Variants in MACROD2 observed in about 807,000 individuals in gnomAD.
MACROD2 encodes the protein ADP-ribose glycohydrolase MACROD2.
In MACROD2, 36 loss-of-function variants were observed where a neutral mutation model predicts 70.4. The ratio of observed to expected loss-of-function variants is 0.51; its 90% CI spans 0.39 to 0.68. The LOEUF (loss-of-function observed/expected upper bound fraction) is 0.68. MACROD2 is among the 30% of genes least tolerant of loss of function. MACROD2 has a pLI of 0.00. For synonymous variants in MACROD2, 172 were observed against 178.8 expected (o/e 0.96, Z 0.30); for missense variants, 496 against 538.4 (o/e 0.92, Z 0.78).
chr20:14,163,235 G>T (rs547577015), intron 3 of MACROD2, among the ~76,000 whole-genome samples: 1 of 152,212 alleles, frequency 6.6e-6, no homozygotes, highest in South Asian at 2.1e-4. Context: ...ATACATGGCT[G>T]TCAGTTTTTT....
At chr20:15,865,935 C>T (rs894919930) in intron 9 of MACROD2, among the ~76,000 whole-genome samples, 10 of 152,056 alleles carry the variant, frequency 6.6e-5, no homozygotes, top group South Asian at 2.1e-4. Context: ...GAACTTACTT[C>T]GATGATTCTG....
intron 2 of MACROD2, among the ~76,000 whole-genome samples, chr20:14,067,642 TG>T (rs1004177849): frequency 1.3e-5 from 2 of 152,210 alleles, no homozygotes; most frequent in African/African-American, 4.8e-5. Flanking sequence ...TTAACTAAAT[TG>T]TTTTTTAGCA....
chr20:14,604,350 T>C (rs1982669989), intron 4 of MACROD2, among the ~76,000 whole-genome samples: 1 of 152,234 alleles, frequency 6.6e-6, no homozygotes, highest in South Asian at 2.1e-4. Context: ...TCTTGCACAC[T>C]ACCATAGCTA....
chr20:15,166,875 CTT>C (rs1424333503), intron 5 of MACROD2, among the ~76,000 whole-genome samples: 1 of 149,666 alleles, frequency 6.7e-6, no homozygotes, highest in Non-Finnish European at 1.5e-5. Flanking sequence ...TAAGTATTAA[CTT>C]ATTAAATTTA....
chr20:15,026,349 A>C (rs1467498483), intron 5 of MACROD2, among the ~76,000 whole-genome samples: 1 of 152,138 alleles, frequency 6.6e-6, no homozygotes, highest in Non-Finnish European at 1.5e-5. Context: ...CCATTCCCTC[A>C]AAATGGAAGG....
At chr20:15,591,377 G>A (rs1042013156) in intron 8 of MACROD2, among the ~76,000 whole-genome samples, 4 of 152,028 alleles carry the variant, frequency 2.6e-5, no homozygotes, top group African/African-American at 9.7e-5. Context: ...ATACCTCACA[G>A]GTATTCCCTC....
At chr20:14,630,580 C>T (rs1984453768) in intron 4 of MACROD2, among the ~76,000 whole-genome samples, 1 of 152,082 alleles carries the variant, frequency 6.6e-6, no homozygotes, top group Non-Finnish European at 1.5e-5. Flanking sequence ...ATTATAATGC[C>T]TTTCCTTCTA....
At chr20:14,978,915 A>G (rs570568522) in intron 5 of MACROD2, among the ~76,000 whole-genome samples, 2 of 130,388 alleles carry the variant, frequency 1.5e-5, no homozygotes, top group African/African-American at 6.3e-5. Flanking sequence ...ATTATATATA[A>G]TATATATCAT....
chr20:14,152,348 T>C (rs2055036236), intron 3 of MACROD2, among the ~76,000 whole-genome samples: 1 of 152,204 alleles, frequency 6.6e-6, no homozygotes, highest in Non-Finnish European at 1.5e-5. Context: ...AGTATTTCTC[T>C]AGTGCTTTGA....
rs572641550 is a variant in MACROD2, at chr20:15,094,038, T to C, written c.419-135902T>C. ...ATGGTTGTCTGGTCCAATCTTTCTG[T>C]TGACCATTTAGTTAGTGAGTATCGT... On this transcript the variant is annotated intron_variant, in intron 5 of 17. Transcript: ENST00000684519. 1.8e-4 allele frequency among the ~76,000 whole-genome samples: 28 copies of C among 152,320 alleles called. 1 individual carries two copies. The highest frequency in any genetic ancestry group is 3.4e-3 in the Middle Eastern group (1 of 294).
intron 3 of MACROD2, among the ~76,000 whole-genome samples, chr20:14,304,725 T>C (rs1202472347): frequency 6.6e-6 from 1 of 152,038 alleles, no homozygotes; most frequent in Non-Finnish European, 1.5e-5. Flanking sequence ...TGCTGAGAAC[T>C]GCTGTTGAAA....
At chr20:15,025,550 C>T (rs1023030025) in intron 5 of MACROD2, among the ~76,000 whole-genome samples, 1 of 75,172 alleles carries the variant, frequency 1.3e-5, no homozygotes, top group African/African-American at 5.5e-5. Context: ...TCCTCAGGGG[C>T]TCCTGATACA....
In MACROD2 at chr20:15,967,647, T is replaced by A. The variant is rs1361295552; in HGVS notation, c.985+17T>A. The A allele has an allele frequency of 6.6e-7, 1 of 1,523,914 alleles. No individual in the cohort carries two copies. Among genetic ancestry groups the A allele is most frequent in the Middle Eastern group, 1.7e-4 (1 of 5,760 alleles). The allele number at this position is 1,523,914 out of a possible 1,614,324, so 94.4% of individuals were successfully genotyped here. On this transcript the variant is annotated intron_variant, in intron 13 of 17. Transcript: ENST00000684519. The stretch of plus-strand genomic sequence containing the variant: ...ATCCCGATGGTAGGTTGTGAAATCC[T>A]TTATTAGATTTTCTTTTCTTCTGCT...
intron 8 of MACROD2, among the ~76,000 whole-genome samples, chr20:15,740,943 C>T (rs35288350): frequency 0.13 from 19,855 of 152,008 alleles, 2,425 homozygotes; most frequent in African/African-American, 0.33. Context: ...TCCCAGTCTC[C>T]TTTCAACCCA....
At chr20:15,103,217 C>T (rs1268133778) in intron 5 of MACROD2, among the ~76,000 whole-genome samples, 1 of 152,058 alleles carries the variant, frequency 6.6e-6, no homozygotes, top group African/African-American at 2.4e-5. Flanking sequence ...TATCAAAGAC[C>T]CAAGTTTCTT....
At chr20:14,716,739 T>A (rs974643831) in intron 5 of MACROD2, among the ~76,000 whole-genome samples, 1 of 152,060 alleles carries the variant, frequency 6.6e-6, no homozygotes, top group African/African-American at 2.4e-5. Context: ...AAAAAATGTG[T>A]AATTGAAACA....
chr20:14,467,313 G>A lies in MACROD2; in HGVS notation c.272-26166G>A, dbSNP rs527994806. Among the ~76,000 whole-genome samples the A allele has an allele frequency of 3.9e-5, 6 of 152,214 alleles. No individual in the cohort carries two copies. In the East Asian group the frequency reaches 5.8e-4, roughly 15 times the overall value. On this transcript the variant is annotated intron_variant, in intron 3 of 17. Transcript: ENST00000684519. Reference sequence around the variant, plus strand: ...CTGTGCTAGCAATGAGCGAGGTTCCGTGGGCGTAGGACCCTCCGAGCCAGT... The same window carrying A: ...CTGTGCTAGCAATGAGCGAGGTTCCATGGGCGTAGGACCCTCCGAGCCAGT...
At chr20:14,128,004 G>A in intron 3 of MACROD2, 1 of 540,206 alleles carries the variant, frequency 1.9e-6, no homozygotes, top group South Asian at 1.5e-5. Context: ...GGAGAATCAT[G>A]TTCCTTTTGA....
At chr20:14,167,814 A>G (rs929005263) in intron 3 of MACROD2, among the ~76,000 whole-genome samples, 2 of 152,234 alleles carry the variant, frequency 1.3e-5, no homozygotes, top group Non-Finnish European at 2.9e-5. Flanking sequence ...TTCAAAAAAC[A>G]TTGAAAACTT....
Sources: gnomAD v4.1 joint callset for allele counts (sites outside exome capture counted in the v4.1 genomes callset) on GRCh38, gnomAD v4.1.1 for gene constraint, MANE v1.5 for transcripts, NCBI Gene and HGNC (gene_info 2026-07-23, HGNC 2026-07-21) for gene names.